The following ZC3H14 variants were observed in gnomAD, a reference collection of about 807,000 sequenced individuals.
The protein encoded by ZC3H14 is zinc finger CCCH-type containing 14.
Under a neutral mutation model 92.4 loss-of-function variants are expected in ZC3H14, and 31 were observed. The observed-to-expected ratio is 0.34, with a 90% CI of 0.25 to 0.45. The LOEUF (loss-of-function observed/expected upper bound fraction) is 0.45, where lower values mean the gene tolerates loss of function less well. ZC3H14 is among the 20% of genes least tolerant of loss of function. The pLI is 1.00. For synonymous variants in ZC3H14, 321 were observed against 300.9 expected (o/e 1.07, Z -0.69); for missense variants, 781 against 897.3 (o/e 0.87, Z 1.66).
chr14:88,603,855 T>C (rs1256509797), intron 12 of ZC3H14, among the ~76,000 whole-genome samples: 1 of 152,230 alleles, frequency 6.6e-6, no homozygotes, highest in African/African-American at 2.4e-5. Context: ...ATTGAATACC[T>C]TTCTCGATCA....
Position 88,563,215 on chromosome 14 carries a change from C to A in ZC3H14, c.36+46C>A, listed in dbSNP as rs368493275. On this transcript the variant is annotated intron_variant, in intron 1 of 16. Transcript: ENST00000251038. Reference sequence around the variant, plus strand: ...GGGTGGGAAGCCAGGTCTCGGCGAGCGGGCGGTTGTCAGGAGTAACGGGGA... The same window carrying A: ...GGGTGGGAAGCCAGGTCTCGGCGAGAGGGCGGTTGTCAGGAGTAACGGGGA... 24 of 1,584,256 alleles carry A rather than the reference C, an allele frequency of 1.5e-5. No homozygotes were observed. The African/African-American group carries it at 3.1e-4, about 20-fold the overall frequency.
At chr14:88,582,195 G>A (rs971476738) in intron 9 of ZC3H14, among the ~76,000 whole-genome samples, 8 of 152,358 alleles carry the variant, frequency 5.3e-5, no homozygotes, top group Admixed American at 5.2e-4. Flanking sequence ...TAGGATTAGA[G>A]TTATGCTTTT....
At chr14:88,609,113 T>C (rs1469573668) in intron 13 of ZC3H14, 154 bp from the exon 14 acceptor site, 1 of 875,244 alleles carries the variant, frequency 1.1e-6, no homozygotes, top group East Asian at 2.7e-5. Flanking sequence ...CCTATTTTGA[T>C]ATATGGTCTT....
intron 2 of ZC3H14, among the ~76,000 whole-genome samples, chr14:88,567,317 G>T (rs1404858336): frequency 6.6e-6 from 1 of 151,206 alleles, no homozygotes; most frequent in Non-Finnish European, 1.5e-5. Flanking sequence ...GGGTTTCACT[G>T]TGTTAGCCAG....
intron 13 of ZC3H14, 118 bp from the exon 14 acceptor site, chr14:88,609,148 TG>T (rs2086115363): frequency 1.7e-6 from 2 of 1,196,416 alleles, no homozygotes; most frequent in Admixed American, 2.2e-5. Flanking sequence ...TTTTTGTTGC[TG>T]TTTTTTTTGC....
rs976415552 is a variant in ZC3H14 at position 88,581,253 on chromosome 14, C to G, written c.1279+3113C>G. 9.2e-5 allele frequency among the ~76,000 whole-genome samples: 14 copies of G among 152,182 alleles called. No individual in the cohort carries two copies. In the East Asian group the frequency reaches 2.7e-3, roughly 29 times the overall value. ...CCAGATTGTGGTCTTGGAATACTTC[C>G]TATTTAAAAAACTAGGCTTCTTGGG... On this transcript the variant is annotated intron_variant, in intron 9 of 16. Coordinates refer to ENST00000251038, the MANE Select transcript of ZC3H14 (RefSeq NM_024824.5).
chr14:88,602,715 T>C (rs2084828721), intron 11 of ZC3H14, 113 bp from the exon 12 acceptor site: 2 of 1,155,716 alleles, frequency 1.7e-6, no homozygotes, highest in South Asian at 2.7e-5. Flanking sequence ...TCTTTTTTTA[T>C]TGAACCAAAC....
At chr14:88,587,312 C>G (rs921098673) in intron 9 of ZC3H14, among the ~76,000 whole-genome samples, 1 of 151,902 alleles carries the variant, frequency 6.6e-6, no homozygotes, top group Non-Finnish European at 1.5e-5. Flanking sequence ...TACAGGCACA[C>G]CCTGCCACAC....
rs1159185395 is a variant in ZC3H14 at position 88,627,302 on chromosome 14, C to G, written c.*15551C>G. The G allele has an allele frequency of 4.6e-5, 24 of 516,582 alleles. No individual in the cohort carries two copies. The highest frequency in any genetic ancestry group is 4.8e-5 in the Non-Finnish European group (14 of 291,956). The allele number at this position is 516,582 out of a possible 1,614,324, so 32.0% of individuals were successfully genotyped here. A position where few individuals can be genotyped will look rare whatever the true frequency, so the allele number is the denominator to read the frequency against. On this transcript the variant is annotated 3_prime_UTR_variant, in exon 17 of 17. Transcript: ENST00000251038. ...AAGTGTGGTAGGTAATATTATCCTG[C>G]TGATCTGCCATTATCATTAGAAATA...
Position 88,616,956 on chromosome 14 carries a change from A to T in ZC3H14, c.*5205A>T. ...ACTATATTCAAAAAGTTTCTTGGCAATTAATCTCTAAGTACCCTATCATGT... is the reference window on the plus strand; with the variant it reads ...ACTATATTCAAAAAGTTTCTTGGCATTTAATCTCTAAGTACCCTATCATGT... On this transcript the variant is annotated 3_prime_UTR_variant, in exon 17 of 17. Transcript: ENST00000251038. The T allele has an allele frequency of 7.1e-7, 1 of 1,416,108 alleles. No homozygotes were observed. The highest frequency in any genetic ancestry group is 9.8e-7 in the Non-Finnish European group (1 of 1,022,918). The allele number at this position is 1,416,108 out of a possible 1,614,324, so 87.7% of individuals were successfully genotyped here. A position where few individuals can be genotyped will look rare whatever the true frequency, so the allele number is the denominator to read the frequency against.
In ZC3H14 at chr14:88,621,078, T is replaced by C. The variant is rs2088829483; in HGVS notation, c.*9327T>C. ...AACTTCCAACTTTTCTTTTTAGAAG[T>C]TGTAACCTCTTTTAAAAAAATTATC... On this transcript the variant is annotated 3_prime_UTR_variant, in exon 17 of 17. Transcript: ENST00000251038. The C allele has an allele frequency of 6.3e-7, 1 of 1,588,642 alleles. No individual in the cohort carries two copies. The highest frequency in any genetic ancestry group is 8.6e-7 in the Non-Finnish European group (1 of 1,167,690).
Position 88,575,690 on chromosome 14 carries a change from AT to A in ZC3H14, c.1023-149del. 4.9e-6 allele frequency: 3 copies of A among 615,452 alleles called. No individual in the cohort carries two copies. The African/African-American group carries it at 5.6e-5, about 11-fold the overall frequency. The allele number at this position is 615,452 out of a possible 1,614,324, so 38.1% of individuals were successfully genotyped here. On this transcript the variant is annotated intron_variant, in intron 7 of 16. Transcript: ENST00000251038. ...AGTAAGAGTCTGTCTAAAAAAAAAAATAAGGTTCCAGTGTAGTTGGCATTTT... is the reference window on the plus strand; with the variant it reads ...AGTAAGAGTCTGTCTAAAAAAAAAAAAAGGTTCCAGTGTAGTTGGCATTTT...
intron 9 of ZC3H14, among the ~76,000 whole-genome samples, chr14:88,582,373 C>T (rs768101233): frequency 4.0e-5 from 6 of 151,850 alleles, no homozygotes; most frequent in Admixed American, 2.6e-4. Context: ...AGTGTGCAGC[C>T]GGAAAAATAG....
chr14:88,603,634 G>A (rs2084934310), intron 12 of ZC3H14, among the ~76,000 whole-genome samples: 1 of 152,194 alleles, frequency 6.6e-6, no homozygotes, highest in African/African-American at 2.4e-5. Flanking sequence ...CTGGGTATCA[G>A]TGGTAGCTGC....
intron 10 of ZC3H14, among the ~76,000 whole-genome samples, chr14:88,597,538 G>A (rs140833529): frequency 7.9e-5 from 12 of 152,100 alleles, no homozygotes; most frequent in Admixed American, 3.3e-4. Flanking sequence ...TCTGTTCCCC[G>A]ACCCTCCCCC....
chr14:88,578,781 G>GTTTTTTTTTTTTTTT (rs35101368), intron 9 of ZC3H14, among the ~76,000 whole-genome samples: 17 of 76,818 alleles, frequency 2.2e-4, no homozygotes, highest in Non-Finnish European at 2.8e-4. Flanking sequence ...TTGCTTCCAG[G>GTTTTTTTTTTTTTTT]TTTTTTTTTT....
chr14:88,618,719 G>C lies in ZC3H14; in HGVS notation c.*6968G>C. The C allele has an allele frequency of 6.2e-7, 1 of 1,610,762 alleles. No individual in the cohort carries two copies. The highest frequency in any genetic ancestry group is 8.5e-7 in the Non-Finnish European group (1 of 1,178,346). On this transcript the variant is annotated 3_prime_UTR_variant, in exon 17 of 17. Coordinates refer to ENST00000251038, the MANE Select transcript of ZC3H14 (RefSeq NM_024824.5). ...AGCTTGGAATGTCTTTGCAGTAGCTGATTCTGTTAAGAGTGGGGCCCAGCG... is the reference window on the plus strand; with the variant it reads ...AGCTTGGAATGTCTTTGCAGTAGCTCATTCTGTTAAGAGTGGGGCCCAGCG...
rs2079930209 is a variant in ZC3H14 at position 88,568,101 on chromosome 14, A to G, written c.142A>G (p.Thr48Ala). 6.2e-7 allele frequency: 1 copy of G among 1,614,060 alleles called. No individual in the cohort carries two copies. Among genetic ancestry groups the G allele is most frequent in the Admixed American group, 1.7e-5 (1 of 60,012 alleles). Residue 48 changes from threonine (T) to alanine (A), a missense_variant, in exon 3 of 17, where the codon ACA (threonine) becomes GCA (alanine). By Grantham distance (58) the Thr-to-Ala change is moderately conservative (BLOSUM62 0). Around this residue, in one of 3 missense-constraint regions of ZC3H14, gnomAD observed 106 missense variants for 154.2 expected, o/e 0.69. Coordinates refer to ENST00000251038, the MANE Select transcript of ZC3H14 (RefSeq NM_024824.5). Reference sequence around the variant, plus strand: ...CAACAAGAAAAGTCAGGACCAAATGACAGAGGATCTGTCCCTGTTTCTAGG... The same window carrying G: ...CAACAAGAAAAGTCAGGACCAAATGGCAGAGGATCTGTCCCTGTTTCTAGG... Reference protein sequence around the residue: ...VANKKSQDQMTEDLSLFLGNN... With the variant: ...VANKKSQDQMAEDLSLFLGNN...
rs1456122245 is a variant in ZC3H14, at chr14:88,622,603, CT to C, written c.*10855del. Reference sequence around the variant, plus strand: ...CTGTATCAGCTCATGGAACATCTTACTTTGCCTCTGCACACAGAACGAACAC... The same window carrying C: ...CTGTATCAGCTCATGGAACATCTTACTTGCCTCTGCACACAGAACGAACAC... On this transcript the variant is annotated 3_prime_UTR_variant, in exon 17 of 17. Transcript: ENST00000251038. 1 of 1,594,942 alleles carries C rather than the reference CT, an allele frequency of 6.3e-7. No homozygotes were observed. Among genetic ancestry groups the C allele is most frequent in the African/African-American group, 1.3e-5 (1 of 74,168 alleles).
Sources: allele counts gnomAD v4.1 joint callset (sites outside exome capture counted in the v4.1 genomes callset), GRCh38; gene constraint gnomAD v4.1.1; regional missense constraint gnomAD v4.1.1; transcripts MANE v1.5; gene names NCBI Gene and HGNC (gene_info 2026-07-23, HGNC 2026-07-21).